The following RAB38 variants were observed in gnomAD, a reference collection of about 807,000 sequenced individuals.
RAB38 encodes the protein ras-related protein Rab-38.
A neutral mutation model predicts 18.4 loss-of-function variants in RAB38; 15 were observed. The ratio of observed to expected loss-of-function variants is 0.82; its 90% CI spans 0.55 to 1.26. The LOEUF (loss-of-function observed/expected upper bound fraction) is 1.26, where lower values mean the gene tolerates loss of function less well. Ranked by LOEUF, RAB38 falls within the 50% of genes most tolerant of loss-of-function variation. The probability of loss-of-function intolerance (pLI) is 0.00; values close to 1 mark genes in which losing one functional copy is unlikely to be tolerated. For synonymous variants in RAB38, 101 were observed against 104.4 expected, an observed-to-expected ratio of 0.97 and a Z score of 0.20; for missense variants, 294 against 267.4, an observed-to-expected ratio of 1.10 and a Z score of -0.69.
At chr11:87,963,560 A>G in the RAB38 span, among the ~76,000 whole-genome samples, 1 of 152,154 alleles carries the variant, frequency 6.6e-6, no homozygotes, top group South Asian at 2.1e-4. Flanking sequence ...TAATAATGAA[A>G]TATGTTATCA....
chr11:87,841,139 AT>A, the RAB38 span, among the ~76,000 whole-genome samples: 2 of 152,282 alleles, frequency 1.3e-5, no homozygotes, highest in African/African-American at 4.8e-5. Context: ...TGGTACATAT[AT>A]TTTAAAAGTA....
At chr11:87,932,362 G>A in the RAB38 span, among the ~76,000 whole-genome samples, 1 of 152,062 alleles carries the variant, frequency 6.6e-6, no homozygotes. Flanking sequence ...AGAGTTTTGT[G>A]CCACCAGAAG....
the RAB38 span, among the ~76,000 whole-genome samples, chr11:87,878,077 A>G: frequency 1.3e-5 from 2 of 150,476 alleles, no homozygotes; most frequent in Admixed American, 6.7e-5. Context: ...CTACAGTCTT[A>G]CAACTGAAAA....
the RAB38 span, among the ~76,000 whole-genome samples, chr11:88,049,544 G>A: frequency 6.6e-6 from 1 of 151,202 alleles, no homozygotes; most frequent in African/African-American, 2.4e-5. Flanking sequence ...CTCTCTTTTC[G>A]GACTCAGCCC....
chr11:88,039,650 C>T, the RAB38 span, among the ~76,000 whole-genome samples: 2 of 152,060 alleles, frequency 1.3e-5, no homozygotes, highest in Non-Finnish European at 2.9e-5. Context: ...GGGAGTCTAC[C>T]AAGAGGGGAA....
the RAB38 span, among the ~76,000 whole-genome samples, chr11:87,807,792 A>G: frequency 6.7e-6 from 1 of 148,468 alleles, no homozygotes; most frequent in South Asian, 2.1e-4. Context: ...TGGTGCTGTT[A>G]TCTCTGAGGA....
the RAB38 span, among the ~76,000 whole-genome samples, chr11:87,891,476 C>A: frequency 6.6e-6 from 1 of 151,758 alleles, no homozygotes; most frequent in African/African-American, 2.4e-5. Context: ...CAGTGGTGGG[C>A]AGGCTGAAAT....
chr11:88,080,131 C>A, the RAB38 span, among the ~76,000 whole-genome samples: 1 of 151,586 alleles, frequency 6.6e-6, no homozygotes, highest in East Asian at 1.9e-4. Context: ...CATTTCCATA[C>A]ATAGAAAAAA....
At chr11:87,852,038 A>C in the RAB38 span, among the ~76,000 whole-genome samples, 1 of 152,142 alleles carries the variant, frequency 6.6e-6, no homozygotes, top group Admixed American at 6.6e-5. Flanking sequence ...ATGGAGAATT[A>C]TAATTGGATA....
the RAB38 span, among the ~76,000 whole-genome samples, chr11:88,095,713 C>A: frequency 6.6e-6 from 1 of 151,996 alleles, no homozygotes; most frequent in South Asian, 2.1e-4. Flanking sequence ...ATATGTCCAA[C>A]TACCTATCTC....
At chr11:87,922,277 C>T in the RAB38 span, among the ~76,000 whole-genome samples, 1 of 151,918 alleles carries the variant, frequency 6.6e-6, no homozygotes, top group Non-Finnish European at 1.5e-5. Flanking sequence ...CCCCACAATG[C>T]ACACCCTCTA....
chr11:88,008,860 G>C, the RAB38 span, among the ~76,000 whole-genome samples: 1 of 152,110 alleles, frequency 6.6e-6, no homozygotes, highest in African/African-American at 2.4e-5. Context: ...TTTTAGTAGA[G>C]ACGGGGTTTC....
At chr11:87,953,172 T>C in the RAB38 span, among the ~76,000 whole-genome samples, 1 of 152,158 alleles carries the variant, frequency 6.6e-6, no homozygotes, top group South Asian at 2.1e-4. Context: ...TATAATAATA[T>C]ACAAGCTAGA....
intron 2 of RAB38, among the ~76,000 whole-genome samples, chr11:88,139,319 T>C (rs1942877050): frequency 6.6e-6 from 1 of 152,206 alleles, no homozygotes; most frequent in South Asian, 2.1e-4. Context: ...CCCTTCAGTC[T>C]TCCTTTGAGG....
chr11:88,015,065 T>A, the RAB38 span, among the ~76,000 whole-genome samples: 2 of 147,058 alleles, frequency 1.4e-5, no homozygotes, highest in African/African-American at 5.0e-5. Context: ...TTTTTTTTTT[T>A]ACAAATTTTT....
chr11:87,815,525 C>T, the RAB38 span: 1 of 151,928 alleles, frequency 6.6e-6, no homozygotes, highest in Non-Finnish European at 1.5e-5. Flanking sequence ...TGTCCGAGAT[C>T]CGTGAAGGAT....
chr11:87,824,847 A>T, the RAB38 span, among the ~76,000 whole-genome samples: 2 of 152,184 alleles, frequency 1.3e-5, no homozygotes, highest in Non-Finnish European at 2.9e-5. Context: ...CTTTCCCAGT[A>T]ATCAAGAACA....
chr11:87,944,014 G>C, the RAB38 span, among the ~76,000 whole-genome samples: 3 of 152,078 alleles, frequency 2.0e-5, no homozygotes, highest in African/African-American at 7.2e-5. Context: ...AAATATTGCA[G>C]GTTAGGTTTC....
the RAB38 span, among the ~76,000 whole-genome samples, chr11:87,948,607 G>A: frequency 6.6e-6 from 1 of 151,910 alleles, no homozygotes; most frequent in Non-Finnish European, 1.5e-5. Flanking sequence ...TAGCATGAAG[G>A]GTTCTTGAAT....
Sources: gnomAD v4.1 joint callset for allele counts (sites outside exome capture counted in the v4.1 genomes callset) on GRCh38, gnomAD v4.1.1 for gene constraint, MANE v1.5 for transcripts, NCBI Gene and HGNC (gene_info 2026-07-23, HGNC 2026-07-21) for gene names.